The following ST7 variants were observed in gnomAD, a reference collection of about 807,000 sequenced individuals.
ST7 encodes suppression of tumorigenicity 7.
Under a neutral mutation model 78.7 loss-of-function variants are expected in ST7, and 28 were observed. That is an observed-to-expected ratio of 0.36 (90% CI 0.26 to 0.49). The LOEUF (loss-of-function observed/expected upper bound fraction) is 0.49, where lower values mean the gene tolerates loss of function less well. Ranked by LOEUF, ST7 falls within the 20% of genes least tolerant of loss-of-function variation. The pLI, the probability that ST7 is intolerant of heterozygous loss-of-function variation, is 0.99. For synonymous variants in ST7, 247 were observed against 249.6 expected (o/e 0.99, Z 0.10); for missense variants, 418 against 696.0 (o/e 0.60, Z 4.49).
intron 12 of ST7, among the ~76,000 whole-genome samples, chr7:117,205,854 G>T (rs961688922): frequency 6.6e-6 from 1 of 152,204 alleles, no homozygotes; most frequent in African/African-American, 2.4e-5. Context: ...GCAGGATGGC[G>T]GGCAAAATAG....
intron 1 of ST7, among the ~76,000 whole-genome samples, chr7:117,080,697 G>A (rs1370436426): frequency 6.6e-6 from 1 of 152,124 alleles, no homozygotes; most frequent in Non-Finnish European, 1.5e-5. Context: ...TTTTCAGAAT[G>A]ACTTCAGCAA....
intron 9 of ST7, among the ~76,000 whole-genome samples, chr7:117,140,436 T>C (rs979398180): frequency 3.9e-5 from 6 of 152,168 alleles, no homozygotes; most frequent in African/African-American, 1.4e-4. Context: ...GAAACGATAA[T>C]TGACTGGGAG....
chr7:116,964,436 A>T (rs899363022), intron 1 of ST7, among the ~76,000 whole-genome samples: 2 of 152,114 alleles, frequency 1.3e-5, no homozygotes, highest in Non-Finnish European at 1.5e-5. Context: ...CACCTGCTCC[A>T]CTCAATTGAT....
chr7:117,096,438 A>ATAG (rs1255210325), intron 1 of ST7, among the ~76,000 whole-genome samples: 1 of 152,180 alleles, frequency 6.6e-6, no homozygotes, highest in African/African-American at 2.4e-5. Flanking sequence ...AATCTATCTT[A>ATAG]TAGTATCATT....
chr7:117,098,854 T>C, intron 1 of ST7: 1 of 1,294,720 alleles, frequency 7.7e-7, no homozygotes, highest in Non-Finnish European at 1.0e-6. Flanking sequence ...AAAAGTTTTG[T>C]GTAGTATCTA....
At chr7:117,071,600 A>G (rs1798965117) in intron 1 of ST7, among the ~76,000 whole-genome samples, 1 of 152,224 alleles carries the variant, frequency 6.6e-6, no homozygotes, top group Non-Finnish European at 1.5e-5. Flanking sequence ...AACCTTTTCC[A>G]TATCATGGCA....
At chr7:116,956,377 G>C in intron 1 of ST7, 5 of 421,846 alleles carry the variant, frequency 1.2e-5, no homozygotes, top group South Asian at 9.0e-5. Flanking sequence ...GTCCTTGCAG[G>C]GAGGTCTAAA....
At chr7:116,992,254 C>T (rs1412449107) in intron 1 of ST7, among the ~76,000 whole-genome samples, 7 of 152,228 alleles carry the variant, frequency 4.6e-5, no homozygotes. Context: ...CTTCATTTCC[C>T]TTCTGCACTG....
chr7:117,031,897 T>TGTCACCCAGGCTGGAGTGCAG (rs1796617261), intron 1 of ST7, among the ~76,000 whole-genome samples: 1 of 123,980 alleles, frequency 8.1e-6, no homozygotes, highest in Non-Finnish European at 1.8e-5. Context: ...TTTTTTTTTT[T>TGTCACCCAGGCTGGAGTGCAG]TGGCAATGGA....
intron 1 of ST7, among the ~76,000 whole-genome samples, chr7:117,057,152 G>A (rs1798105011): frequency 6.6e-6 from 1 of 151,970 alleles, no homozygotes; most frequent in African/African-American, 2.4e-5. Flanking sequence ...ATTTTAAATT[G>A]TGGCCAATTT....
intron 9 of ST7, among the ~76,000 whole-genome samples, chr7:117,154,715 A>T (rs1806555760): frequency 6.6e-6 from 1 of 152,180 alleles, no homozygotes; most frequent in African/African-American, 2.4e-5. Flanking sequence ...AATATACTTT[A>T]GTTGTTCCTC....
chr7:117,148,453 G>A (rs949328442), intron 9 of ST7, among the ~76,000 whole-genome samples: 3 of 152,064 alleles, frequency 2.0e-5, no homozygotes, highest in African/African-American at 7.2e-5. Flanking sequence ...TCAAATCTGA[G>A]GGTTTTATAC....
At position 117,210,466 on chromosome 7, in the gene ST7, A is replaced by T. The variant is rs1425688923; in HGVS notation, c.1405+529A>T. Among the ~76,000 whole-genome samples, 3 of 152,180 alleles carry T rather than the reference A, an allele frequency of 2.0e-5. No individual in the cohort carries two copies. The East Asian group carries it at 5.8e-4, about 29-fold the overall frequency. ...TGTAGCATTCATGTATTAACGGATA[A>T]ATGCTGGGTAGATGAATGCGGGCTT... On this transcript the variant is annotated intron_variant, in intron 13 of 15. Transcript: ENST00000323984.
chr7:117,129,720 GT>G, intron 3 of ST7, 72 bp from the exon 4 acceptor site: 1 of 1,169,712 alleles, frequency 8.5e-7, no homozygotes, highest in South Asian at 1.2e-5. Flanking sequence ...CAGGAAGGGT[GT>G]TTTGCTGAAT....
At chr7:117,191,360 A>C (rs1809759648) in intron 12 of ST7, among the ~76,000 whole-genome samples, 1 of 152,254 alleles carries the variant, frequency 6.6e-6, no homozygotes, top group African/African-American at 2.4e-5. Flanking sequence ...GAATGATAGT[A>C]ATCAGTATTG....
At chr7:117,227,637 C>T (rs576883847) in intron 15 of ST7, among the ~76,000 whole-genome samples, 1 of 152,302 alleles carries the variant, frequency 6.6e-6, no homozygotes, top group East Asian at 1.9e-4. Context: ...AATCAGTAGA[C>T]TTGTTCCATA....
intron 1 of ST7, among the ~76,000 whole-genome samples, chr7:117,054,643 T>C (rs989363275): frequency 1.3e-5 from 2 of 152,206 alleles, no homozygotes; most frequent in Admixed American, 1.3e-4. Context: ...GGCTTTGGTT[T>C]TTGGTTTATT....
At chr7:117,104,434 C>T (rs966183160) in intron 2 of ST7, among the ~76,000 whole-genome samples, 2 of 152,072 alleles carry the variant, frequency 1.3e-5, no homozygotes, top group Non-Finnish European at 2.9e-5. Flanking sequence ...AGCGAGACTC[C>T]GTCTCAAAAA....
At chr7:116,972,779 C>T in intron 1 of ST7, 3 of 946,924 alleles carry the variant, frequency 3.2e-6, no homozygotes, top group Non-Finnish European at 5.2e-6. Context: ...TCAGCCTCAG[C>T]CTGTTCCTGG....
Sources: gnomAD v4.1 joint callset for allele counts (sites outside exome capture counted in the v4.1 genomes callset) on GRCh38, gnomAD v4.1.1 for gene constraint, MANE v1.5 for transcripts, NCBI Gene and HGNC (gene_info 2026-07-23, HGNC 2026-07-21) for gene names.